SCHIP1: variants seen among roughly 807,000 people sequenced by gnomAD.
SCHIP1 encodes the protein schwannomin interacting protein 1, also known as schwannomin-interacting protein 1.
In SCHIP1, 8 loss-of-function variants were observed where a neutral mutation model predicts 29.7. That is an observed-to-expected ratio of 0.27 (90% CI 0.16 to 0.49). The LOEUF (loss-of-function observed/expected upper bound fraction) is 0.49. Among genes scored for constraint, SCHIP1 ranks in the 20% least tolerant of loss-of-function variants. The probability of loss-of-function intolerance (pLI) is 0.99; values close to 1 mark genes in which losing one functional copy is unlikely to be tolerated. For synonymous variants in SCHIP1, 76 were observed against 94.9 expected, an observed-to-expected ratio of 0.80 and a Z score of 1.16; for missense variants, 193 against 294.6, an observed-to-expected ratio of 0.66 and a Z score of 2.52.
At chr3:159,719,976 C>T in the SCHIP1 span, among the ~76,000 whole-genome samples, 1 of 152,116 alleles carries the variant, frequency 6.6e-6, no homozygotes, top group African/African-American at 2.4e-5. Flanking sequence ...GACTTGGAAC[C>T]AACCCAAATG....
At chr3:159,736,788 G>A in the SCHIP1 span, among the ~76,000 whole-genome samples, 1 of 150,284 alleles carries the variant, frequency 6.7e-6, no homozygotes, top group Non-Finnish European at 1.5e-5. Flanking sequence ...AGGCTGAAGT[G>A]CAGTGGCGCG....
chr3:159,719,464 A>C, the SCHIP1 span, among the ~76,000 whole-genome samples: 12 of 152,218 alleles, frequency 7.9e-5, no homozygotes, highest in Admixed American at 7.2e-4. Context: ...GAATGGGAGA[A>C]AATTTTTGCA....
chr3:159,409,658 T>C, the SCHIP1 span, among the ~76,000 whole-genome samples: 2 of 152,122 alleles, frequency 1.3e-5, no homozygotes, highest in African/African-American at 2.4e-5. Context: ...TGGAAAGATA[T>C]TCCATGTTCA....
chr3:159,621,678 T>A, the SCHIP1 span, among the ~76,000 whole-genome samples: 1 of 152,072 alleles, frequency 6.6e-6, no homozygotes, highest in African/African-American at 2.4e-5. Flanking sequence ...CTTTGTTTTT[T>A]TTTTGAGACA....
chr3:159,292,832 C>T, the SCHIP1 span, among the ~76,000 whole-genome samples: 1 of 152,128 alleles, frequency 6.6e-6, no homozygotes, highest in Non-Finnish European at 1.5e-5. Flanking sequence ...ATATTGGCAT[C>T]GTACTTTTTT....
the SCHIP1 span, among the ~76,000 whole-genome samples, chr3:159,812,329 T>C: frequency 6.6e-6 from 1 of 152,214 alleles, no homozygotes; most frequent in Non-Finnish European, 1.5e-5. Flanking sequence ...CAAGTCACTG[T>C]TATATGGACT....
At chr3:159,274,984 A>G in the SCHIP1 span, 2 of 983,390 alleles carry the variant, frequency 2.0e-6, no homozygotes, top group East Asian at 1.1e-4. Flanking sequence ...GATAATTTCC[A>G]AGTGAATTAC....
At chr3:159,660,285 G>A in the SCHIP1 span, among the ~76,000 whole-genome samples, 2 of 152,140 alleles carry the variant, frequency 1.3e-5, no homozygotes, top group African/African-American at 4.8e-5. Context: ...ATGTCTGTGA[G>A]TAGGCCACAA....
chr3:159,450,120 G>T, the SCHIP1 span, among the ~76,000 whole-genome samples: 1 of 152,050 alleles, frequency 6.6e-6, no homozygotes, highest in Non-Finnish European at 1.5e-5. Context: ...CAAGTTCAAC[G>T]AATTGGTCTA....
chr3:159,273,995 C>A, the SCHIP1 span: 1 of 1,505,440 alleles, frequency 6.6e-7, no homozygotes, highest in South Asian at 1.3e-5. Context: ...TGATGGCCTT[C>A]ATTACATTTT....
the SCHIP1 span, among the ~76,000 whole-genome samples, chr3:159,525,539 A>G: frequency 2.0e-5 from 3 of 152,340 alleles, no homozygotes; most frequent in South Asian, 2.1e-4. Context: ...ATTGAACTCA[A>G]TTGGAAATGC....
the SCHIP1 span, among the ~76,000 whole-genome samples, chr3:159,297,578 C>G: frequency 6.6e-6 from 1 of 152,076 alleles, no homozygotes; most frequent in Admixed American, 6.6e-5. Flanking sequence ...GTACTGCCTT[C>G]CTAAGCAATG....
At chr3:159,373,797 A>G in the SCHIP1 span, among the ~76,000 whole-genome samples, 1 of 152,184 alleles carries the variant, frequency 6.6e-6, no homozygotes, top group Non-Finnish European at 1.5e-5. Flanking sequence ...ATACACACAC[A>G]CACCACATTT....
At chr3:159,717,867 C>T in the SCHIP1 span, among the ~76,000 whole-genome samples, 1 of 152,178 alleles carries the variant, frequency 6.6e-6, no homozygotes, top group South Asian at 2.1e-4. Flanking sequence ...GGAGTCCTCC[C>T]TAACTCATTT....
the SCHIP1 span, among the ~76,000 whole-genome samples, chr3:159,767,660 CT>C: frequency 0.011 from 1,684 of 152,266 alleles, 29 homozygotes; most frequent in African/African-American, 0.039. Flanking sequence ...TACTTCAGGG[CT>C]TTTGCCCTTC....
chr3:159,654,695 C>T, the SCHIP1 span, among the ~76,000 whole-genome samples: 2 of 151,168 alleles, frequency 1.3e-5, no homozygotes, highest in African/African-American at 2.4e-5. Flanking sequence ...CAGTAGGGGC[C>T]CATGGGGAAT....
the SCHIP1 span, among the ~76,000 whole-genome samples, chr3:159,787,653 T>G: frequency 1.3e-5 from 2 of 152,212 alleles, no homozygotes; most frequent in Non-Finnish European, 2.9e-5. Context: ...TTTGAAATCA[T>G]GCCAGATTTG....
the SCHIP1 span, among the ~76,000 whole-genome samples, chr3:159,284,667 T>G: frequency 2.0e-5 from 3 of 152,106 alleles, no homozygotes; most frequent in Non-Finnish European, 4.4e-5. Flanking sequence ...TTTTGTATTT[T>G]TTTTTCTTTA....
the SCHIP1 span, among the ~76,000 whole-genome samples, chr3:159,401,592 AT>A: frequency 5.9e-5 from 9 of 152,210 alleles, no homozygotes; most frequent in Non-Finnish European, 1.0e-4. Flanking sequence ...AAAAAGTACT[AT>A]AACCAGTACT....
Sources: allele counts gnomAD v4.1 joint callset (sites outside exome capture counted in the v4.1 genomes callset), GRCh38; gene constraint gnomAD v4.1.1; transcripts MANE v1.5; gene names NCBI Gene and HGNC (gene_info 2026-07-23, HGNC 2026-07-21).